The following UTP20 variants were observed in gnomAD, a reference collection of about 807,000 sequenced individuals.
UTP20 encodes UTP20 small subunit processome component, also known as small subunit processome component 20 homolog.
UTP20 carries 164 observed loss-of-function variants against 329.5 expected under a neutral mutation model. That is an observed-to-expected ratio of 0.50 (90% CI 0.44 to 0.57). UTP20 has a LOEUF of 0.57. UTP20 is among the 20% of genes least tolerant of loss of function. The pLI, the probability that UTP20 is intolerant of heterozygous loss-of-function variation, is 0.00. For missense variants in UTP20, 3,055 were observed against 3,284.2 expected, an observed-to-expected ratio of 0.93 and a Z score of 1.71; for synonymous variants, 1,151 against 1,159.3, an observed-to-expected ratio of 0.99 and a Z score of 0.14.
intron 45 of UTP20, 73 bp downstream of exon 45, chr12:101,363,816 G>A: frequency 2.0e-6 from 2 of 1,000,746 alleles, no homozygotes; most frequent in Non-Finnish European, 3.1e-6. Context: ...ACCATGCGGG[G>A]CAAACTGAAA....
At chr12:101,340,459 G>A in intron 31 of UTP20, 64 bp from the exon 32 acceptor site, 1 of 1,040,418 alleles carries the variant, frequency 9.6e-7, no homozygotes, top group Non-Finnish European at 1.4e-6. Flanking sequence ...TCTACAAAAA[G>A]TTTAACTTCT....
intron 45 of UTP20, among the ~76,000 whole-genome samples, chr12:101,364,851 C>T (rs576490728): frequency 2.0e-5 from 3 of 152,094 alleles, no homozygotes; most frequent in East Asian, 1.9e-4. Context: ...CACATATATC[C>T]GTGATGTATA....
At chr12:101,349,658 C>G (rs1005351261) in intron 38 of UTP20, among the ~76,000 whole-genome samples, 1 of 152,092 alleles carries the variant, frequency 6.6e-6, no homozygotes, top group Admixed American at 6.6e-5. Flanking sequence ...CCAGGCTGGT[C>G]TCGAACTCCT....
chr12:101,300,176 T>C, intron 14 of UTP20, 115 bp downstream of exon 14: 1 of 1,023,348 alleles, frequency 9.8e-7, no homozygotes. Context: ...CATAACCCCC[T>C]GGATGATAAA....
chr12:101,381,610 T>G (rs1042425926), intron 58 of UTP20, among the ~76,000 whole-genome samples: 4 of 152,204 alleles, frequency 2.6e-5, no homozygotes, highest in African/African-American at 9.6e-5. Flanking sequence ...TGAACCTATC[T>G]TAATGCTTGG....
In UTP20 at chr12:101,361,672, T is replaced by TAAATAAATAA. The variant is rs200818993; in HGVS notation, c.5692-283_5692-282insTAAAAATAAA. On this transcript the variant is annotated intron_variant, in intron 43 of 61. Coordinates refer to ENST00000261637, the MANE Select transcript of UTP20 (RefSeq NM_014503.3). ...ATAAATAAATAAATAAATAAATAAATAAATAAAGTTCAAGACTCTTGTGCC... is the reference window on the plus strand; with the variant it reads ...ATAAATAAATAAATAAATAAATAAATAAATAAATAAAAATAAAGTTCAAGACTCTTGTGCC... 1.3e-3 allele frequency among the ~76,000 whole-genome samples: 127 copies of TAAATAAATAA among 94,178 alleles called. No homozygotes were observed. In the Middle Eastern group the frequency reaches 0.015, roughly 11 times the overall value. The allele number at this position is 94,178 out of a possible 152,430, so 61.8% of individuals were successfully genotyped here.
chr12:101,380,770 A>C (rs1002248945), intron 57 of UTP20, among the ~76,000 whole-genome samples: 1 of 151,370 alleles, frequency 6.6e-6, no homozygotes, highest in Non-Finnish European at 1.5e-5. Flanking sequence ...AGGCTAAGGC[A>C]GGAGAATTGC....
chr12:101,305,495 G>A lies in UTP20; in HGVS notation c.1782-420G>A, dbSNP rs1289729384. On this transcript the variant is annotated intron_variant, in intron 15 of 61. Transcript: ENST00000261637. ...CTACTCCTCTCTACTATCCTCATTA[G>A]CTCGGTGCCTGGCACATGACAAACA... Among the ~76,000 whole-genome samples the A allele has an allele frequency of 2.7e-5, 4 of 149,108 alleles. No individual in the cohort carries two copies. The East Asian group carries it at 7.8e-4, about 29-fold the overall frequency.
At position 101,360,822 on chromosome 12, in the gene UTP20, C is replaced by T. The variant is rs1313949996; in HGVS notation, c.5692-1140C>T. On this transcript the variant is annotated intron_variant, in intron 43 of 61. Coordinates refer to ENST00000261637, the MANE Select transcript of UTP20 (RefSeq NM_014503.3). ...CCAGCCTGGGTGACAGAGCAAGACT[C>T]TGCCTCCAAAAAAATAAAAGACCAC... is the stretch of plus-strand genomic sequence containing the variant. Among the ~76,000 whole-genome samples, 10 of 152,230 alleles carry T rather than the reference C, an allele frequency of 6.6e-5. No homozygotes were observed. The East Asian group carries it at 1.9e-3, about 29-fold the overall frequency.
At position 101,305,930 on chromosome 12, in the gene UTP20, G is replaced by A. The variant is rs781252556; in HGVS notation, c.1797G>A (p.Glu599=). The A allele has an allele frequency of 2.5e-6, 4 of 1,605,814 alleles. No homozygotes were observed. Among genetic ancestry groups the A allele is most frequent in the Non-Finnish European group, 3.4e-6 (4 of 1,175,166 alleles). The change falls in exon 16 of 62, where the codon GAG becomes GAA. Residue 599 remains glutamate (E), a synonymous_variant. Transcript: ENST00000261637. ...CTCGTTGCAGAACCTTTCCCCTGGA[G>A]CCATCTGTGTTGCTGTTGACTGATC... The part of the protein sequence containing the change: ...VKNLVLTFPL[E]PSVLLLTDLY...
chr12:101,385,464 TGGGG>T, intron 60 of UTP20, 115 bp from the exon 61 acceptor site: 1 of 1,237,082 alleles, frequency 8.1e-7, no homozygotes. Context: ...TTGTTTTATT[TGGGG>T]TTTCTTGCCA....
intron 31 of UTP20, among the ~76,000 whole-genome samples, chr12:101,339,551 G>T (rs1479784151): frequency 6.6e-6 from 1 of 152,078 alleles, no homozygotes; most frequent in Non-Finnish European, 1.5e-5. Context: ...TAGACTAATA[G>T]ATTTGTTTGT....
chr12:101,283,453 T>C (rs1446017666), intron 2 of UTP20, among the ~76,000 whole-genome samples: 1 of 152,182 alleles, frequency 6.6e-6, no homozygotes, highest in African/African-American at 2.4e-5. Context: ...CGCATGTTAT[T>C]AGTCAAAGCA....
rs1035426510 is a variant in UTP20, at chr12:101,374,039, T to G, written c.7131+272T>G. Among the ~76,000 whole-genome samples the G allele has an allele frequency of 6.6e-5, 10 of 151,842 alleles. No individual in the cohort carries two copies. The East Asian group carries it at 9.7e-4, about 15-fold the overall frequency. Reference sequence around the variant, plus strand: ...TCACGAGGTCAGGAGATCGAGACCATCCCGGCTAAAACGGTGAAACCCCGT... The same window carrying G: ...TCACGAGGTCAGGAGATCGAGACCAGCCCGGCTAAAACGGTGAAACCCCGT... On this transcript the variant is annotated intron_variant, in intron 54 of 61. Coordinates refer to ENST00000261637, the MANE Select transcript of UTP20 (RefSeq NM_014503.3).
In UTP20 at chr12:101,300,040, G is replaced by A. The variant is rs150558479; in HGVS notation, c.1654G>A (p.Asp552Asn). Reference protein sequence around the residue: ...GFIEALFMTVDKGSFGKGNLF... With the variant: ...GFIEALFMTVNKGSFGKGNLF... ...CATAGAGGCACTCTTCATGACTGTT[G>A]ACAAAGGAAGCTTTGGGAAAGGTCA... The change falls in exon 14 of 62, where the codon GAC (aspartate) becomes AAC (asparagine). Residue 552 changes from aspartate to asparagine, a missense_variant. Asp to Asn is a conservative substitution (Grantham distance 23). Around this residue, in one of 3 missense-constraint regions of UTP20, gnomAD observed 2,445 missense variants for 2,575.5 expected, o/e 0.95. Transcript: ENST00000261637. 1 of 1,613,996 alleles carries A rather than the reference G, an allele frequency of 6.2e-7. No homozygotes were observed. Among genetic ancestry groups the A allele is most frequent in the Non-Finnish European group, 8.5e-7 (1 of 1,180,000 alleles).
intron 47 of UTP20, 24 bp downstream of exon 47, chr12:101,366,723 ACTTG>A: frequency 6.2e-7 from 1 of 1,604,896 alleles, no homozygotes; most frequent in Non-Finnish European, 8.5e-7. Flanking sequence ...TTAAAATGAG[ACTTG>A]CTACTTTCAG....
At chr12:101,372,564 C>T (rs1269776685) in intron 51 of UTP20, among the ~76,000 whole-genome samples, 1 of 152,224 alleles carries the variant, frequency 6.6e-6, no homozygotes, top group African/African-American at 2.4e-5. Flanking sequence ...CTGTGGTACA[C>T]CTGTCACCAC....
At chr12:101,331,733 T>C (rs1195472906) in intron 27 of UTP20, among the ~76,000 whole-genome samples, 6 of 152,184 alleles carry the variant, frequency 3.9e-5, no homozygotes, top group Non-Finnish European at 7.3e-5. Context: ...TATGAGAGCA[T>C]TTGTGTTGTC....
At position 101,312,072 on chromosome 12, in the gene UTP20, C is replaced by A. The variant is rs1040920690; in HGVS notation, c.2348C>A (p.Ser783Tyr). 8 of 1,614,028 alleles carry A rather than the reference C, an allele frequency of 5.0e-6. No homozygotes were observed. The highest frequency in any genetic ancestry group is 6.8e-6 in the Non-Finnish European group (8 of 1,180,042). Residue 783 changes from serine (S) to tyrosine (Y), a missense_variant, in exon 21 of 62, where the codon TCC (serine) becomes TAC (tyrosine). Around this residue, in one of 3 missense-constraint regions of UTP20, gnomAD observed 2,445 missense variants for 2,575.5 expected, o/e 0.95. Coordinates refer to ENST00000261637, the MANE Select transcript of UTP20 (RefSeq NM_014503.3). Reference protein sequence around the residue: ...ELQNDMTDEKSVGDESWEQTQ... With the variant: ...ELQNDMTDEKYVGDESWEQTQ... The stretch of plus-strand genomic sequence containing the variant: ...CAGAATGATATGACAGATGAGAAGT[C>A]CGTTGGAGATGAAAGTTGGGAGCAG...
Sources: allele counts gnomAD v4.1 joint callset (sites outside exome capture counted in the v4.1 genomes callset), GRCh38; gene constraint gnomAD v4.1.1; regional missense constraint gnomAD v4.1.1; transcripts MANE v1.5; gene names NCBI Gene and HGNC (gene_info 2026-07-23, HGNC 2026-07-21).